DNAJC25: variants seen among roughly 807,000 people sequenced by gnomAD.
DNAJC25 encodes DnaJ heat shock protein family (Hsp40) member C25.
A neutral mutation model predicts 42.1 loss-of-function variants in DNAJC25; 26 were observed. The observed-to-expected ratio is 0.62, with a 90% CI of 0.45 to 0.86. The LOEUF is 0.86. DNAJC25 is among the 40% of genes least tolerant of loss of function. The pLI is 0.00. For synonymous variants in DNAJC25, 189 were observed against 179.9 expected (o/e 1.05, Z -0.40); for missense variants, 404 against 459.4 (o/e 0.88, Z 1.10).
intron 1 of DNAJC25, among the ~76,000 whole-genome samples, chr9:111,635,362 C>T (rs1400355437): frequency 6.6e-6 from 1 of 152,210 alleles, no homozygotes; most frequent in East Asian, 1.9e-4. Flanking sequence ...AAGTGGATTT[C>T]TGGCATTTTG....
intron 1 of DNAJC25, among the ~76,000 whole-genome samples, chr9:111,639,897 G>GCTCTCA (rs1830419906): frequency 7.6e-6 from 1 of 131,664 alleles, no homozygotes; most frequent in Admixed American, 7.9e-5. Flanking sequence ...GCAAGGAGGA[G>GCTCTCA]CTCTCCCTCT....
At position 111,645,551 on chromosome 9, in the gene DNAJC25, G is replaced by A. The variant is rs747772284; in HGVS notation, c.337-1556G>A. ...ATTACAGGAGTGAGCGCCTGTGCCC[G>A]GCCCAAAATTCTTAATAGAAAATAC... On this transcript the variant is annotated intron_variant, in intron 1 of 3. Transcript: ENST00000313525. 5.9e-5 allele frequency among the ~76,000 whole-genome samples: 9 copies of A among 152,062 alleles called. No homozygotes were observed. In the South Asian group the frequency reaches 6.2e-4, roughly 11 times the overall value.
At chr9:111,649,389 T>A (rs193192759) in intron 2 of DNAJC25, 64 bp from the exon 3 acceptor site, 1 of 1,467,236 alleles carries the variant, frequency 6.8e-7, no homozygotes, top group East Asian at 2.4e-5. Context: ...GACTCTATCA[T>A]TCCTTTAATT....
chr9:111,632,056 G>A (rs1280801344), intron 1 of DNAJC25, among the ~76,000 whole-genome samples: 1 of 152,274 alleles, frequency 6.6e-6, no homozygotes, highest in Non-Finnish European at 1.5e-5. Context: ...AAAGCAGGGT[G>A]ATCATTATTA....
At chr9:111,646,979 A>T in intron 1 of DNAJC25, 128 bp from the exon 2 acceptor site, 2 of 1,118,868 alleles carry the variant, frequency 1.8e-6, no homozygotes, top group Non-Finnish European at 2.3e-6. Context: ...TTTGATTTTG[A>T]CAATTTCAGT....
At chr9:111,647,931 A>G (rs1388219284) in intron 2 of DNAJC25, among the ~76,000 whole-genome samples, 1 of 152,118 alleles carries the variant, frequency 6.6e-6, no homozygotes, top group East Asian at 1.9e-4. Flanking sequence ...GGCGCGCACC[A>G]CCACACCCGG....
intron 2 of DNAJC25, 131 bp from the exon 3 acceptor site, chr9:111,649,322 A>G (rs1333418284): frequency 1.4e-5 from 20 of 1,408,710 alleles, no homozygotes; most frequent in Non-Finnish European, 1.7e-5. Context: ...ACAAAGTAAG[A>G]TCTTTGAGAT....
chr9:111,641,402 G>T (rs1830461357), intron 1 of DNAJC25, among the ~76,000 whole-genome samples: 2 of 137,252 alleles, frequency 1.5e-5, no homozygotes, highest in African/African-American at 5.5e-5. Flanking sequence ...GGAGGGAGGT[G>T]GGGGGGTCAG....
chr9:111,641,544 C>T (rs1206391294), intron 1 of DNAJC25, among the ~76,000 whole-genome samples: 1 of 84,258 alleles, frequency 1.2e-5, no homozygotes, highest in African/African-American at 6.1e-5. Flanking sequence ...GGTCGGACCC[C>T]GCCCGGCCAG....
rs1199756420 is a variant in DNAJC25 at position 111,654,054 on chromosome 9, G to A, written c.*832G>A. 3 of 152,236 alleles carry A rather than the reference G, an allele frequency of 2.0e-5. No homozygotes were observed. Among genetic ancestry groups the A allele is most frequent in the Non-Finnish European group, 2.9e-5 (2 of 68,024 alleles). The allele number at this position is 152,236 out of a possible 1,614,324, so 9.4% of individuals were successfully genotyped here. On this transcript the variant is annotated 3_prime_UTR_variant, in exon 4 of 4. Coordinates refer to ENST00000313525, the MANE Select transcript of DNAJC25 (RefSeq NM_001015882.3). ...AAAAAAATAGCAAGGCAGAAATAGTGTATTGAAAAGTTGTTCATCTATTAT... is the reference window on the plus strand; with the variant it reads ...AAAAAAATAGCAAGGCAGAAATAGTATATTGAAAAGTTGTTCATCTATTAT...
At position 111,631,630 on chromosome 9, in the gene DNAJC25, C is replaced by A. The variant is rs1589338364; in HGVS notation, c.223C>A (p.Arg75Ser). 1 of 1,500,550 alleles carries A rather than the reference C, an allele frequency of 6.7e-7. No homozygotes were observed. The allele number at this position is 1,500,550 out of a possible 1,614,324, so 93.0% of individuals were successfully genotyped here. Reference sequence around the variant, plus strand: ...GCGGGCCTACCGCCAGCTGGCCCGGCGCTACCACCCTGACCGCTACCGGCC... The same window carrying A: ...GCGGGCCTACCGCCAGCTGGCCCGGAGCTACCACCCTGACCGCTACCGGCC... ...IARAYRQLAR[R>S]YHPDRYRPQP... Residue 75 changes from arginine to serine, a missense_variant, in exon 1 of 4, where the codon CGC (arginine) becomes AGC (serine). By Grantham distance (110) the Arg-to-Ser change is moderately radical. Coordinates refer to ENST00000313525, the MANE Select transcript of DNAJC25 (RefSeq NM_001015882.3).
chr9:111,633,498 T>C (rs896407860), intron 1 of DNAJC25, among the ~76,000 whole-genome samples: 2 of 152,156 alleles, frequency 1.3e-5, no homozygotes, highest in African/African-American at 2.4e-5. Flanking sequence ...TTAGGGAGTT[T>C]ATGGACTTTG....
chr9:111,650,311 AAAAC>A (rs1830638928), intron 3 of DNAJC25, among the ~76,000 whole-genome samples: 1 of 144,870 alleles, frequency 6.9e-6, no homozygotes, highest in Non-Finnish European at 1.5e-5. Context: ...AAAAAAAAAA[AAAAC>A]AACAGAGTAA....
At chr9:111,642,150 G>A (rs1310965731) in intron 1 of DNAJC25, among the ~76,000 whole-genome samples, 2 of 146,526 alleles carry the variant, frequency 1.4e-5, no homozygotes, top group African/African-American at 2.5e-5. Flanking sequence ...TGACAATGGC[G>A]GCTTTGTGGA....
chr9:111,648,692 G>A (rs916958770), intron 2 of DNAJC25, among the ~76,000 whole-genome samples: 23 of 152,004 alleles, frequency 1.5e-4, no homozygotes, highest in African/African-American at 5.6e-4. Context: ...TTACTTTTTT[G>A]TTTTAAACAA....
intron 1 of DNAJC25, among the ~76,000 whole-genome samples, chr9:111,639,702 T>C (rs1830416195): frequency 6.6e-6 from 1 of 151,122 alleles, no homozygotes; most frequent in South Asian, 2.1e-4. Flanking sequence ...TGTGTGTGTG[T>C]ATGGGTGTGT....
intron 1 of DNAJC25, among the ~76,000 whole-genome samples, chr9:111,639,957 C>T (rs1044575637): frequency 2.7e-5 from 4 of 148,566 alleles, no homozygotes; most frequent in Non-Finnish European, 4.5e-5. Flanking sequence ...TCTCCGTCTC[C>T]GTCTCCCCAT....
rs970169262 is a variant in DNAJC25 at position 111,631,345 on chromosome 9, G to C, written c.-63G>C. 7 of 1,253,682 alleles carry C rather than the reference G, an allele frequency of 5.6e-6. No homozygotes were observed. Among genetic ancestry groups the C allele is most frequent in the Middle Eastern group, 3.0e-4 (1 of 3,302 alleles). 77.7% of individuals were successfully genotyped at this position (1,253,682 alleles called of 1,614,324 possible). A position where few individuals can be genotyped will look rare whatever the true frequency, so the allele number is the denominator to read the frequency against. ...GTGTAGCTGGGGCCAGACGGGACTAGCCGGGCGCGCGGCTGAGTGCTGCAG... is the reference window on the plus strand; with the variant it reads ...GTGTAGCTGGGGCCAGACGGGACTACCCGGGCGCGCGGCTGAGTGCTGCAG... On this transcript the variant is annotated 5_prime_UTR_variant, in exon 1 of 4. Coordinates refer to ENST00000313525, the MANE Select transcript of DNAJC25 (RefSeq NM_001015882.3).
At chr9:111,640,162 G>A (rs1014264079) in intron 1 of DNAJC25, among the ~76,000 whole-genome samples, 1 of 151,724 alleles carries the variant, frequency 6.6e-6, no homozygotes, top group East Asian at 2.0e-4. Context: ...CCCTAACCGC[G>A]AGTGATCCGC....
Sources: gnomAD v4.1 joint callset for allele counts (sites outside exome capture counted in the v4.1 genomes callset) on GRCh38, gnomAD v4.1.1 for gene constraint, MANE v1.5 for transcripts, NCBI Gene and HGNC (gene_info 2026-07-23, HGNC 2026-07-21) for gene names.